The following MYO5B variants were observed in gnomAD, a reference collection of about 807,000 sequenced individuals.
MYO5B encodes the protein myosin VB, also known as unconventional myosin-Vb.
A neutral mutation model predicts 229.3 loss-of-function variants in MYO5B; 143 were observed. The ratio of observed to expected loss-of-function variants is 0.62; its 90% CI spans 0.54 to 0.72. MYO5B has a LOEUF of 0.72. Among genes scored for constraint, MYO5B ranks in the 30% least tolerant of loss-of-function variants. MYO5B has a pLI of 0.00. For missense variants in MYO5B, 2,321 were observed against 2,331.0 expected (o/e 1.00, Z 0.09); for synonymous variants, 918 against 885.2 (o/e 1.04, Z -0.66).
intron 7 of MYO5B, among the ~76,000 whole-genome samples, chr18:49,988,599 C>A (rs73442531): frequency 0.011 from 1,683 of 152,308 alleles, 32 homozygotes; most frequent in African/African-American, 0.039. Flanking sequence ...TCCAAATCAT[C>A]CAGATGGGTC....
At chr18:49,930,480 T>A (rs1376928387) in intron 16 of MYO5B, among the ~76,000 whole-genome samples, 1 of 152,216 alleles carries the variant, frequency 6.6e-6, no homozygotes, top group African/African-American at 2.4e-5. Flanking sequence ...GTGTGAGCTT[T>A]CTGAGTATCC....
intron 2 of MYO5B, among the ~76,000 whole-genome samples, chr18:50,054,014 C>T (rs114361672): frequency 0.016 from 2,408 of 152,296 alleles, 61 homozygotes; most frequent in African/African-American, 0.055. Flanking sequence ...TCTCCCCCAC[C>T]GTAAAGCCTG....
intron 1 of MYO5B, among the ~76,000 whole-genome samples, chr18:50,190,628 A>ACCTACC (rs993615193): frequency 0.22 from 93 of 432 alleles, no homozygotes; most frequent in Admixed American, 0.5. Flanking sequence ...CCGACCTACC[A>ACCTACC]AAAAAAAATC....
Position 49,895,124 on chromosome 18 carries a change from T to C in MYO5B, c.2862A>G (p.Thr954=), listed in dbSNP as rs769281525. ...TCAGCCGCTCTACCTCCATGGTGTA[T>C]GTTGAGGTGGTCACGGACAACTGCT... ...LSEQLSVTTS[T]YTMEVERLKK... The change falls in exon 22 of 40, where the codon ACA becomes ACG. Residue 954 remains threonine (T), a synonymous_variant. Transcript: ENST00000285039. 3.1e-6 allele frequency: 5 copies of C among 1,613,764 alleles called. No homozygotes were observed. The African/African-American group carries it at 4.0e-5, about 13-fold the overall frequency.
At chr18:50,070,009 C>T (rs1467507070) in intron 1 of MYO5B, among the ~76,000 whole-genome samples, 2 of 146,354 alleles carry the variant, frequency 1.4e-5, no homozygotes, top group Non-Finnish European at 3.0e-5. Context: ...TGAAATATTG[C>T]AATTTAGTCT....
chr18:49,870,240 A>C (rs1343134300), intron 27 of MYO5B, among the ~76,000 whole-genome samples: 1 of 152,250 alleles, frequency 6.6e-6, no homozygotes, highest in Non-Finnish European at 1.5e-5. Flanking sequence ...GGACATCCAC[A>C]GCAAAAGAAT....
At chr18:49,907,644 C>T (rs891517467) in intron 18 of MYO5B, among the ~76,000 whole-genome samples, 1 of 152,232 alleles carries the variant, frequency 6.6e-6, no homozygotes, top group Admixed American at 6.5e-5. Context: ...TTCATGTTGG[C>T]AAATGGCCCT....
At chr18:50,000,020 T>C (rs2026028618) in intron 5 of MYO5B, among the ~76,000 whole-genome samples, 1 of 152,282 alleles carries the variant, frequency 6.6e-6, no homozygotes, top group Non-Finnish European at 1.5e-5. Context: ...GTGAACACGT[T>C]GTATCCTGTT....
chr18:49,874,324 T>G (rs2024491736), intron 26 of MYO5B, among the ~76,000 whole-genome samples: 1 of 152,234 alleles, frequency 6.6e-6, no homozygotes, highest in South Asian at 2.1e-4. Context: ...GCCTGGAGAA[T>G]GAATCTTTAG....
At chr18:49,893,899 G>C (rs1157508930) in intron 22 of MYO5B, among the ~76,000 whole-genome samples, 1 of 152,222 alleles carries the variant, frequency 6.6e-6, no homozygotes, top group Non-Finnish European at 1.5e-5. Context: ...TCCCACGTAG[G>C]GCCAAGGGCC....
chr18:50,132,039 C>T (rs1357258941), intron 1 of MYO5B, among the ~76,000 whole-genome samples: 2 of 152,228 alleles, frequency 1.3e-5, no homozygotes, highest in Non-Finnish European at 2.9e-5. Flanking sequence ...TTGAAAGGGG[C>T]TCCTGCTTCC....
intron 16 of MYO5B, among the ~76,000 whole-genome samples, chr18:49,932,128 G>A (rs1461484880): frequency 3.3e-5 from 5 of 152,124 alleles, no homozygotes; most frequent in East Asian, 1.9e-4. Context: ...TGAGAACCCC[G>A]TCATTCCTTA....
At chr18:49,906,261 G>C (rs1332935882) in intron 19 of MYO5B, among the ~76,000 whole-genome samples, 158 bp downstream of exon 19, 1 of 152,114 alleles carries the variant, frequency 6.6e-6, no homozygotes, top group Non-Finnish European at 1.5e-5. Context: ...TGATTATAGG[G>C]ATAGGCCCAG....
intron 1 of MYO5B, among the ~76,000 whole-genome samples, chr18:50,122,770 T>G (rs968040947): frequency 2.6e-5 from 4 of 151,814 alleles, no homozygotes; most frequent in African/African-American, 9.7e-5. Context: ...AAGACACCAT[T>G]TTACATCCAC....
At chr18:50,123,705 C>G (rs2032108594) in intron 1 of MYO5B, among the ~76,000 whole-genome samples, 1 of 152,102 alleles carries the variant, frequency 6.6e-6, no homozygotes, top group Non-Finnish European at 1.5e-5. Context: ...AAGACCCTGT[C>G]TCAAAAAAAG....
At position 50,080,905 on chromosome 18, in the gene MYO5B, G is replaced by A. The variant is rs76257063; in HGVS notation, c.28-25527C>T. On this transcript the variant is annotated intron_variant, in intron 1 of 39. Coordinates refer to ENST00000285039, the MANE Select transcript of MYO5B (RefSeq NM_001080467.3). ...TCATCATTAAGTCACTTGCCAGCCC[G>A]TCCCACTCTTTGGGAGGTTCCACAT... Among the ~76,000 whole-genome samples, 294 of 152,226 alleles carry A rather than the reference G, an allele frequency of 1.9e-3. 3 individuals carry two copies. The highest frequency in any genetic ancestry group is 6.8e-3 in the African/African-American group (282 of 41,522).
intron 1 of MYO5B, among the ~76,000 whole-genome samples, chr18:50,064,705 G>A (rs1384221439): frequency 6.6e-6 from 1 of 152,112 alleles, no homozygotes; most frequent in Non-Finnish European, 1.5e-5. Context: ...TTTCCCCAGA[G>A]AAACAACCTT....
At chr18:49,874,040 T>G (rs72642501) in intron 26 of MYO5B, among the ~76,000 whole-genome samples, 36,521 of 152,048 alleles carry the variant, frequency 0.24, 4,524 homozygotes, top group East Asian at 0.42. Context: ...ATCCAAGAAC[T>G]TGACCTCCAA....
In MYO5B at chr18:49,846,669, A is replaced by C. The variant is rs374766389; in HGVS notation, c.4459+477T>G. On this transcript the variant is annotated intron_variant, in intron 33 of 39. Coordinates refer to ENST00000285039, the MANE Select transcript of MYO5B (RefSeq NM_001080467.3). ...CTGTGTGACCTGGGCAAGTTACTAG[A>C]GTGAGTCTCTGTTTCCTTCAGTGTA... is the stretch of plus-strand genomic sequence containing the variant. 3.3e-5 allele frequency among the ~76,000 whole-genome samples: 5 copies of C among 152,092 alleles called. No individual in the cohort carries two copies. In the East Asian group the frequency reaches 9.7e-4, roughly 29 times the overall value.
Sources: allele counts gnomAD v4.1 joint callset (sites outside exome capture counted in the v4.1 genomes callset), GRCh38; gene constraint gnomAD v4.1.1; transcripts MANE v1.5; gene names NCBI Gene and HGNC (gene_info 2026-07-23, HGNC 2026-07-21).